Variants in AK5 observed in about 807,000 individuals in gnomAD.
AK5 encodes the protein adenylate kinase isoenzyme 5.
In AK5, 27 loss-of-function variants were observed where a neutral mutation model predicts 69.5. The observed-to-expected ratio is 0.39, with a 90% CI of 0.29 to 0.54. The LOEUF is 0.54. Among genes scored for constraint, AK5 ranks in the 20% least tolerant of loss-of-function variants. AK5 has a pLI of 0.71. For synonymous variants in AK5, 260 were observed against 244.4 expected (o/e 1.06, Z -0.60); for missense variants, 531 against 700.4 (o/e 0.76, Z 2.73).
intron 6 of AK5, among the ~76,000 whole-genome samples, chr1:77,393,899 T>G (rs1648649388): frequency 6.6e-6 from 1 of 152,122 alleles, no homozygotes; most frequent in Admixed American, 6.6e-5. Context: ...GAAACTGATT[T>G]ATCAAGCCAG....
intron 13 of AK5, among the ~76,000 whole-genome samples, chr1:77,558,375 T>G (rs1457559080): frequency 6.6e-6 from 1 of 152,136 alleles, no homozygotes; most frequent in East Asian, 1.9e-4. Flanking sequence ...GTGTCAGTGC[T>G]TTGGATTTTG....
intron 6 of AK5, among the ~76,000 whole-genome samples, chr1:77,394,047 T>C (rs542744091): frequency 1.1e-4 from 17 of 151,972 alleles, no homozygotes; most frequent in African/African-American, 4.1e-4. Flanking sequence ...AAACCCTGTC[T>C]CTACTAAAAA....
intron 10 of AK5, among the ~76,000 whole-genome samples, chr1:77,493,035 C>T (rs1292184459): frequency 1.3e-5 from 2 of 152,172 alleles, no homozygotes; most frequent in Non-Finnish European, 2.9e-5. Flanking sequence ...TCGGGCAGCT[C>T]ATGAGCTAGG....
At chr1:77,408,784 G>T (rs1446914172) in intron 6 of AK5, among the ~76,000 whole-genome samples, 1 of 151,454 alleles carries the variant, frequency 6.6e-6, no homozygotes, top group Non-Finnish European at 1.5e-5. Flanking sequence ...TTTTTGGTTT[G>T]GGGGCACATG....
intron 5 of AK5, among the ~76,000 whole-genome samples, chr1:77,326,059 A>G (rs1660788180): frequency 6.6e-6 from 1 of 152,220 alleles, no homozygotes; most frequent in Non-Finnish European, 1.5e-5. Flanking sequence ...AAGATATATT[A>G]TCAAATTATG....
chr1:77,309,069 G>T (rs778927396), intron 5 of AK5, among the ~76,000 whole-genome samples: 6 of 151,568 alleles, frequency 4.0e-5, no homozygotes, highest in Non-Finnish European at 8.8e-5. Flanking sequence ...ATACACTGGG[G>T]CCTGCAGGGT....
At chr1:77,406,588 C>T (rs188106839) in intron 6 of AK5, among the ~76,000 whole-genome samples, 2 of 152,108 alleles carry the variant, frequency 1.3e-5, no homozygotes, top group African/African-American at 2.4e-5. Context: ...AGTAGAATGG[C>T]TGCCTTTGTC....
At chr1:77,556,320 A>T (rs753056632) in intron 13 of AK5, among the ~76,000 whole-genome samples, 2 of 152,126 alleles carry the variant, frequency 1.3e-5, no homozygotes, top group Non-Finnish European at 2.9e-5. Context: ...GCTTCTCTTT[A>T]TGACTTTATT....
At chr1:77,497,633 G>C (rs1656422690) in intron 10 of AK5, among the ~76,000 whole-genome samples, 1 of 152,154 alleles carries the variant, frequency 6.6e-6, no homozygotes, top group Non-Finnish European at 1.5e-5. Flanking sequence ...TCTCACCCAG[G>C]CTGAAGTGCA....
chr1:77,508,561 C>G (rs1195065063), intron 10 of AK5, among the ~76,000 whole-genome samples: 1 of 152,178 alleles, frequency 6.6e-6, no homozygotes, highest in Non-Finnish European at 1.5e-5. Context: ...CCTTGGAACT[C>G]TTAACTTCAA....
intron 13 of AK5, among the ~76,000 whole-genome samples, chr1:77,553,411 G>A (rs1473836790): frequency 1.3e-5 from 2 of 152,234 alleles, no homozygotes; most frequent in African/African-American, 4.8e-5. Context: ...GGGCGTAACT[G>A]AGGCTGAAAA....
chr1:77,340,677 G>A (rs1173032846), intron 6 of AK5, 109 bp downstream of exon 6: 5 of 992,014 alleles, frequency 5.0e-6, no homozygotes, highest in Non-Finnish European at 4.4e-6. Flanking sequence ...GTGGCTTTTG[G>A]GGGGTACAGA....
chr1:77,533,271 T>C (rs1415195882), intron 12 of AK5, among the ~76,000 whole-genome samples: 1 of 152,066 alleles, frequency 6.6e-6, no homozygotes, highest in Non-Finnish European at 1.5e-5. Flanking sequence ...ATCCCAGTAC[T>C]TTGAGAGGCT....
chr1:77,297,741 A>AATT lies in AK5; in HGVS notation c.585+16_585+18dup, dbSNP rs1487973227. On this transcript the variant is annotated intron_variant, in intron 4 of 13. Coordinates refer to ENST00000354567, the MANE Select transcript of AK5 (RefSeq NM_174858.3). ...ATTGGCCCCACAGGTACTGCTGTAT[A>AATT]ATTATCTTTTATTCTGCAAAATGTT... is the stretch of plus-strand genomic sequence containing the variant. 2.5e-6 allele frequency: 4 copies of AATT among 1,608,050 alleles called. No homozygotes were observed. The highest frequency in any genetic ancestry group is 2.5e-6 in the Non-Finnish European group (3 of 1,178,096).
At chr1:77,532,901 A>G (rs1041442796) in intron 12 of AK5, among the ~76,000 whole-genome samples, 2 of 152,254 alleles carry the variant, frequency 1.3e-5, no homozygotes, top group African/African-American at 4.8e-5. Flanking sequence ...GACTAACCAC[A>G]GTCCGGTGAA....
At chr1:77,390,868 A>G (rs1370566029) in intron 6 of AK5, among the ~76,000 whole-genome samples, 1 of 152,220 alleles carries the variant, frequency 6.6e-6, no homozygotes, top group East Asian at 1.9e-4. Context: ...AATACTTAAA[A>G]TGTTTGTGTA....
At chr1:77,402,097 C>T (rs1570507178) in intron 6 of AK5, among the ~76,000 whole-genome samples, 1 of 152,174 alleles carries the variant, frequency 6.6e-6, no homozygotes, top group Non-Finnish European at 1.5e-5. Flanking sequence ...CTGTGAGCAA[C>T]TTTAGACATC....
intron 5 of AK5, among the ~76,000 whole-genome samples, chr1:77,334,344 ATC>A (rs1253182556): frequency 4.0e-5 from 6 of 151,870 alleles, no homozygotes; most frequent in Admixed American, 2.0e-4. Context: ...TCTGAAAGTA[ATC>A]TCTCATTTCT....
intron 5 of AK5, among the ~76,000 whole-genome samples, chr1:77,298,509 T>TA (rs201283437): frequency 0.05 from 7,576 of 151,436 alleles, 227 homozygotes; most frequent in South Asian, 0.094. Flanking sequence ...GATTTTTCAT[T>TA]AAAAAAAATT....
Sources: allele counts gnomAD v4.1 joint callset (sites outside exome capture counted in the v4.1 genomes callset), GRCh38; gene constraint gnomAD v4.1.1; transcripts MANE v1.5; gene names NCBI Gene and HGNC (gene_info 2026-07-23, HGNC 2026-07-21).